Variants in RBFOX1 observed in about 807,000 individuals in gnomAD.
RBFOX1 encodes the protein RNA binding protein fox-1 homolog 1.
In RBFOX1, 8 loss-of-function variants were observed where a neutral mutation model predicts 57.7. The ratio of observed to expected loss-of-function variants is 0.14; its 90% CI spans 0.08 to 0.25. RBFOX1 has a LOEUF of 0.25. RBFOX1 is among the 10% of genes least tolerant of loss of function. The probability of loss-of-function intolerance (pLI) is 1.00; values close to 1 mark genes in which losing one functional copy is unlikely to be tolerated. For missense variants in RBFOX1, 611 were observed against 548.5 expected (o/e 1.11, Z -1.14); for synonymous variants, 326 against 222.4 (o/e 1.47, Z -4.15).
At chr16:6,741,114 T>A (rs991957296) in intron 3 of RBFOX1, among the ~76,000 whole-genome samples, 1 of 152,088 alleles carries the variant, frequency 6.6e-6, no homozygotes, top group Non-Finnish European at 1.5e-5. Flanking sequence ...AGCAATTTAA[T>A]GGGGGAAGTA....
chr16:5,461,607 C>A (rs1369503487), intron 1 of RBFOX1, among the ~76,000 whole-genome samples: 1 of 152,152 alleles, frequency 6.6e-6, no homozygotes, highest in Non-Finnish European at 1.5e-5. Flanking sequence ...TTGCCTGTCC[C>A]ATATTTCTGC....
intron 2 of RBFOX1, among the ~76,000 whole-genome samples, chr16:6,347,404 T>C (rs578076723): frequency 6.6e-6 from 1 of 152,314 alleles, no homozygotes; most frequent in South Asian, 2.1e-4. Context: ...TTCTTCTCAT[T>C]TGGCTTATAA....
intron 3 of RBFOX1, among the ~76,000 whole-genome samples, chr16:6,678,154 C>A (rs552138630): frequency 3.3e-5 from 5 of 152,186 alleles, no homozygotes; most frequent in Non-Finnish European, 7.3e-5. Flanking sequence ...GACGGAGTCT[C>A]GCTCTGTCGC....
chr16:7,652,698 G>A (rs1184515682), intron 11 of RBFOX1, among the ~76,000 whole-genome samples: 1 of 152,134 alleles, frequency 6.6e-6, no homozygotes. Context: ...GAGCCACCGC[G>A]CCCAGCCCCC....
intron 4 of RBFOX1, among the ~76,000 whole-genome samples, chr16:7,150,287 T>G (rs972392185): frequency 6.6e-6 from 1 of 152,206 alleles, no homozygotes; most frequent in Admixed American, 6.6e-5. Context: ...CTTGGCTGTG[T>G]CTCTTAATTC....
At chr16:6,318,098 T>C (rs2081325880) in intron 2 of RBFOX1, among the ~76,000 whole-genome samples, 1 of 152,098 alleles carries the variant, frequency 6.6e-6, no homozygotes, top group Non-Finnish European at 1.5e-5. Flanking sequence ...TGTCTTGGAA[T>C]TTGCATATTC....
intron 3 of RBFOX1, among the ~76,000 whole-genome samples, chr16:6,737,926 A>G (rs980418059): frequency 6.6e-6 from 1 of 152,200 alleles, no homozygotes; most frequent in Non-Finnish European, 1.5e-5. Context: ...AATTTGTTAA[A>G]TAAGATAATG....
At chr16:7,081,720 A>C (rs2059232631) in intron 4 of RBFOX1, among the ~76,000 whole-genome samples, 1 of 152,218 alleles carries the variant, frequency 6.6e-6, no homozygotes, top group African/African-American at 2.4e-5. Context: ...TAAATATTTC[A>C]TAATGAGTAA....
rs190707568 is a variant in RBFOX1, at chr16:6,495,103, C to G, written c.-63-159500C>G. Among the ~76,000 whole-genome samples the G allele has an allele frequency of 4.3e-3, 656 of 152,242 alleles. 2 individuals carry two copies. The highest frequency in any genetic ancestry group is 7.1e-3 in the Non-Finnish European group (486 of 68,010). ...TTTTAACCACTAATCAATGTCCCCG[C>G]TTTCTTTTGTTTGTTTATTTATTTA... On this transcript the variant is annotated intron_variant, in intron 2 of 15. Coordinates refer to ENST00000550418, the MANE Select transcript of RBFOX1 (RefSeq NM_018723.4).
chr16:5,635,108 A>T (rs544845957), intron 3 of RBFOX1, among the ~76,000 whole-genome samples: 1 of 152,284 alleles, frequency 6.6e-6, no homozygotes, highest in South Asian at 2.1e-4. Flanking sequence ...ACAGTGTATC[A>T]CTGAACTACA....
At position 6,476,871 on chromosome 16, in the gene RBFOX1, G is replaced by C. The variant is rs989221478; in HGVS notation, c.-64+159814G>C. On this transcript the variant is annotated intron_variant, in intron 2 of 15. Transcript: ENST00000550418. The stretch of plus-strand genomic sequence containing the variant: ...ACTTTGCTACTGCTTAATCAACTAA[G>C]TGTATGTAATATTCTACATTCTTTG... Among the ~76,000 whole-genome samples the C allele has an allele frequency of 1.2e-4, 18 of 152,312 alleles. 1 individual carries two copies. The highest frequency in any genetic ancestry group is 9.2e-4 in the Admixed American group (14 of 15,298).
intron 2 of RBFOX1, among the ~76,000 whole-genome samples, chr16:6,381,592 C>A (rs181308924): frequency 6.6e-6 from 1 of 152,304 alleles, no homozygotes; most frequent in African/African-American, 2.4e-5. Flanking sequence ...CAAGGTCTTG[C>A]CTTTACCTAT....
intron 3 of RBFOX1, among the ~76,000 whole-genome samples, chr16:6,956,881 G>T (rs115519758): frequency 0.012 from 1,832 of 152,102 alleles, 34 homozygotes; most frequent in African/African-American, 0.042. Flanking sequence ...TTCCTCATTT[G>T]TCTGGCATCT....
chr16:5,612,122 C>G (rs1293132026), intron 3 of RBFOX1, among the ~76,000 whole-genome samples: 1 of 149,098 alleles, frequency 6.7e-6, no homozygotes. Context: ...CATTCATCTA[C>G]TCTCCCATAA....
chr16:7,664,351 T>C (rs2068618805), intron 12 of RBFOX1, among the ~76,000 whole-genome samples: 1 of 152,174 alleles, frequency 6.6e-6, no homozygotes, highest in African/African-American at 2.4e-5. Context: ...ATATTCTCCA[T>C]TAACCATAAA....
intron 2 of RBFOX1, among the ~76,000 whole-genome samples, chr16:6,641,641 G>A (rs1166185325): frequency 6.6e-6 from 1 of 150,602 alleles, no homozygotes. Flanking sequence ...AGGCTGAGAC[G>A]GGAGAATCAC....
chr16:7,076,964 G>T (rs2058404569), intron 4 of RBFOX1, among the ~76,000 whole-genome samples: 1 of 152,180 alleles, frequency 6.6e-6, no homozygotes, highest in Non-Finnish European at 1.5e-5. Context: ...GAAACAGCTT[G>T]GAAATGTGCA....
At chr16:6,859,843 C>G (rs541422255) in intron 3 of RBFOX1, among the ~76,000 whole-genome samples, 13 of 152,224 alleles carry the variant, frequency 8.5e-5, no homozygotes, top group South Asian at 8.3e-4. Flanking sequence ...TAGAATCACA[C>G]TTTTGAGTAT....
intron 3 of RBFOX1, among the ~76,000 whole-genome samples, chr16:5,832,385 G>C (rs556897782): frequency 3.3e-5 from 5 of 152,198 alleles, no homozygotes; most frequent in Non-Finnish European, 7.3e-5. Flanking sequence ...GCCCAGAAAG[G>C]GCTATTTTGC....
Sources: gnomAD v4.1 joint callset for allele counts (sites outside exome capture counted in the v4.1 genomes callset) on GRCh38, gnomAD v4.1.1 for gene constraint, MANE v1.5 for transcripts, NCBI Gene and HGNC (gene_info 2026-07-23, HGNC 2026-07-21) for gene names.